The following C20orf173 variants were observed in gnomAD, a reference collection of about 807,000 sequenced individuals.
The protein encoded by C20orf173 is uncharacterized protein C20orf173.
C20orf173 carries 22 observed loss-of-function variants against 26.7 expected under a neutral mutation model. The ratio of observed to expected loss-of-function variants is 0.82; its 90% confidence interval spans 0.59 to 1.18. The LOEUF (loss-of-function observed/expected upper bound fraction) is 1.18. C20orf173 is among the 50% of genes most tolerant of loss of function. The pLI, the probability that C20orf173 is intolerant of heterozygous loss-of-function variation, is 0.00. For missense variants in C20orf173, 210 were observed against 250.3 expected (o/e 0.84, Z 1.09); for synonymous variants, 85 against 96.4 (o/e 0.88, Z 0.69).
chr20:35,529,421 C>T lies in C20orf173; in HGVS notation c.-48G>A. ...CGTGGTGGGCCGTAGACTGGCTTCTCTACCTGTAAGGATGAGGGGCTGAGG... is the reference window on the plus strand; with the variant it reads ...CGTGGTGGGCCGTAGACTGGCTTCTTTACCTGTAAGGATGAGGGGCTGAGG... On this transcript the variant is annotated 5_prime_UTR_variant, in exon 2 of 6. Transcript: ENST00000444723. The T allele has an allele frequency of 6.8e-7, 1 of 1,479,974 alleles. No homozygotes were observed. The highest frequency in any genetic ancestry group is 9.0e-7 in the Non-Finnish European group (1 of 1,113,544). 91.7% of individuals were successfully genotyped at this position (1,479,974 alleles called of 1,614,324 possible). A position where few individuals can be genotyped will look rare whatever the true frequency, so the allele number is the denominator to read the frequency against.
At chr20:35,528,192 A>G in intron 5 of C20orf173, 41 bp downstream of exon 5, 1 of 1,532,588 alleles carries the variant, frequency 6.5e-7, no homozygotes, top group Middle Eastern at 1.7e-4. Context: ...TCCCACAGCA[A>G]CCCACAGCCA....
In C20orf173 at chr20:35,528,248, TTCCAC is replaced by T; in HGVS notation, c.*5_*9del. 1 of 1,552,062 alleles carries T rather than the reference TTCCAC, an allele frequency of 6.4e-7. No individual in the cohort carries two copies. The highest frequency in any genetic ancestry group is 1.4e-5 in the African/African-American group (1 of 73,138). ...TCCCCCTCACCGTGTCTTTGCTATC[TTCCAC>T]TCCACTAGGGAACCAGACCATCTTC... On this transcript the variant is annotated 3_prime_UTR_variant, in exon 5 of 6. Transcript: ENST00000444723.
chr20:35,526,672 T>TA (rs1050896333), downstream of C20orf173, among the ~76,000 whole-genome samples: 1 of 134,666 alleles, frequency 7.4e-6, no homozygotes, highest in Non-Finnish European at 1.6e-5. Context: ...CTGAGGCACC[T>TA]AAAAAAACTG....
At chr20:35,526,562 G>A (rs1457408907), downstream of C20orf173, among the ~76,000 whole-genome samples, 1 of 149,338 alleles carries the variant, frequency 6.7e-6, no homozygotes, top group African/African-American at 2.5e-5. Flanking sequence ...CCAGGAGGTC[G>A]AGGCTGCAAT....
At chr20:35,527,820 A>G (rs1329434840) in intron 5 of C20orf173, among the ~76,000 whole-genome samples, 1 of 151,810 alleles carries the variant, frequency 6.6e-6, no homozygotes, top group Non-Finnish European at 1.5e-5. Context: ...ATGCCTGGCT[A>G]TTTTTTGTAT....
chr20:35,522,336 G>T (rs906774715), downstream of C20orf173: 4 of 152,544 alleles, frequency 2.6e-5, no homozygotes, highest in African/African-American at 9.7e-5. Flanking sequence ...TCCAGCCAGG[G>T]TCTCTTTGGA....
intron 5 of C20orf173, among the ~76,000 whole-genome samples, chr20:35,527,784 T>G (rs1046034488): frequency 6.6e-6 from 1 of 152,130 alleles, no homozygotes; most frequent in Non-Finnish European, 1.5e-5. Flanking sequence ...ATTTTTTGCA[T>G]TTTTAGTAGA....
chr20:35,528,202 A>G (rs2064517442), intron 5 of C20orf173, 31 bp downstream of exon 5: 1 of 1,544,896 alleles, frequency 6.5e-7, no homozygotes, highest in South Asian at 1.2e-5. Flanking sequence ...ACCCACAGCC[A>G]CATCCTACCC....
At chr20:35,525,931 A>G (rs224399), downstream of C20orf173, among the ~76,000 whole-genome samples, 151,791 of 152,352 alleles carry the variant, frequency 1, 75,619 homozygotes, top group East Asian at 1. Flanking sequence ...CCTCAGCCTC[A>G]CAACATGCTG....
chr20:35,528,520 C>T lies in C20orf173; in HGVS notation c.513G>A (p.Trp171Ter). The T allele has an allele frequency of 6.4e-7, 1 of 1,551,726 alleles. No homozygotes were observed. Among genetic ancestry groups the T allele is most frequent in the South Asian group, 1.2e-5 (1 of 84,062 alleles). ...VFRNASDQGS[W>*]MQLEMLLRKL... The stretch of plus-strand genomic sequence containing the variant: ...TCCGCAGTAGCATCTCCAGCTGCAT[C>T]CAGGAGCCCTGGTCGCTGGCATTCC... Residue 171 changes from tryptophan (W) to a stop codon, truncating the protein, a stop_gained, in exon 4 of 6, where the codon TGG becomes TGA. Coordinates refer to ENST00000444723, the MANE Select transcript of C20orf173 (RefSeq NM_001145350.2). LOFTEE classifies it high-confidence loss of function.
chr20:35,528,415 C>T, intron 4 of C20orf173, 36 bp downstream of exon 4: 2 of 1,549,452 alleles, frequency 1.3e-6, no homozygotes, highest in South Asian at 1.2e-5. Flanking sequence ...CTCCCCTCAC[C>T]CCCACACAGA....
chr20:35,528,499 C>CA lies in C20orf173; in HGVS notation c.533dup (p.Arg179AlafsTer5). The CA allele has an allele frequency of 2.6e-6, 4 of 1,551,726 alleles. No individual in the cohort carries two copies. In the African/African-American group the frequency reaches 4.1e-5, roughly 16 times the overall value. On this transcript the variant is annotated frameshift_variant, in exon 4 of 6. Transcript: ENST00000444723. LOFTEE classifies it high-confidence loss of function. ...TCCACACCAGGTCAGAGAGCTTCCG[C>CA]AGTAGCATCTCCAGCTGCATCCAGG...
At chr20:35,526,772 AAGG>A (rs1338870569), downstream of C20orf173, among the ~76,000 whole-genome samples, 2 of 102,342 alleles carry the variant, frequency 2.0e-5, no homozygotes, top group African/African-American at 4.3e-5. Flanking sequence ...TGGGTGAAAC[AAGG>A]AGGTTTACTT....
downstream of C20orf173, among the ~76,000 whole-genome samples, chr20:35,524,941 C>A (rs1031675273): frequency 2.6e-5 from 4 of 151,622 alleles, no homozygotes; most frequent in Non-Finnish European, 5.9e-5. Flanking sequence ...TCAGGTGATC[C>A]ACCCACCTTG....
At chr20:35,528,157 G>A (rs1018835741) in intron 5 of C20orf173, 76 bp downstream of exon 5, 8 of 1,282,902 alleles carry the variant, frequency 6.2e-6, no homozygotes, top group Non-Finnish European at 8.9e-6. Flanking sequence ...GGGGAGGAAG[G>A]GGGAGGGAAC....
Position 35,528,827 on chromosome 20 carries a change from C to T in C20orf173, c.362G>A (p.Gly121Glu), listed in dbSNP as rs2064526721. 1 of 1,551,392 alleles carries T rather than the reference C, an allele frequency of 6.4e-7. No individual in the cohort carries two copies. The highest frequency in any genetic ancestry group is 2.0e-5 in the Admixed American group (1 of 50,936). The change falls in exon 3 of 6, where the codon GGG (glycine) becomes GAG (glutamate). Residue 121 changes from glycine (G) to glutamate (E), a missense_variant. Physicochemically the swap from Gly to Glu is moderately conservative, Grantham distance 98 (BLOSUM62 -2). Transcript: ENST00000444723. ...LGKLWRKLFK[G>E]IPRLSVSHFD... ...ATGGCTCACCGAGAGCCTGGGAATCCCTTTAAACAGCTTCCTCCACAATTT... is the reference window on the plus strand; with the variant it reads ...ATGGCTCACCGAGAGCCTGGGAATCTCTTTAAACAGCTTCCTCCACAATTT...
Position 35,528,502 on chromosome 20 carries a change from T to A in C20orf173, c.531A>T (p.Leu177=). The A allele has an allele frequency of 1.3e-6, 2 of 1,551,706 alleles. No individual in the cohort carries two copies. The highest frequency in any genetic ancestry group is 1.7e-6 in the Non-Finnish European group (2 of 1,146,992). ...DQGSWMQLEM[L]LRKLSDLVWT... ...ACACCAGGTCAGAGAGCTTCCGCAG[T>A]AGCATCTCCAGCTGCATCCAGGAGC... The change falls in exon 4 of 6, where the codon CTA becomes CTT. Residue 177 remains leucine (L), a synonymous_variant. Coordinates refer to ENST00000444723, the MANE Select transcript of C20orf173 (RefSeq NM_001145350.2).
chr20:35,524,280 CA>C (rs533635743), downstream of C20orf173, among the ~76,000 whole-genome samples: 11 of 152,196 alleles, frequency 7.2e-5, no homozygotes, highest in South Asian at 2.3e-3. Flanking sequence ...CTCTGCCTCC[CA>C]AAGTGCTGGG....
chr20:35,526,827 A>G (rs2064505967), downstream of C20orf173: 1 of 152,114 alleles, frequency 6.6e-6, no homozygotes, highest in Non-Finnish European at 1.5e-5. Context: ...AACAACTCAA[A>G]GTCTGGGTTT....
Sources: gnomAD v4.1 joint callset for allele counts (sites outside exome capture counted in the v4.1 genomes callset) on GRCh38, gnomAD v4.1.1 for gene constraint, MANE v1.5 for transcripts, NCBI Gene and HGNC (gene_info 2026-07-23, HGNC 2026-07-21) for gene names.